The following SOX6 variants were observed in gnomAD, a reference collection of about 807,000 sequenced individuals.
SOX6 encodes transcription factor SOX-6.
A neutral mutation model predicts 97.8 loss-of-function variants in SOX6; 11 were observed. The observed-to-expected ratio is 0.11, with a 90% CI of 0.07 to 0.19. The LOEUF (loss-of-function observed/expected upper bound fraction) is 0.19. Ranked by LOEUF, SOX6 falls within the 10% of genes least tolerant of loss-of-function variation. The pLI is 1.00. For synonymous variants in SOX6, 360 were observed against 371.4 expected, an observed-to-expected ratio of 0.97 and a Z score of 0.35; for missense variants, 810 against 1,039.5, an observed-to-expected ratio of 0.78 and a Z score of 3.04.
chr11:16,166,023 T>C (rs1426218994), intron 6 of SOX6, among the ~76,000 whole-genome samples: 3 of 152,212 alleles, frequency 2.0e-5, no homozygotes, highest in African/African-American at 7.2e-5. Flanking sequence ...TGAGCCCTTC[T>C]TAGAAATACA....
chr11:16,587,226 C>A (rs924698843), intron 4 of SOX6, among the ~76,000 whole-genome samples: 2 of 152,174 alleles, frequency 1.3e-5, no homozygotes, highest in African/African-American at 4.8e-5. Flanking sequence ...AACTTCAAGG[C>A]AGGATATCTA....
intron 4 of SOX6, among the ~76,000 whole-genome samples, chr11:16,550,747 C>T (rs551802687): frequency 6.6e-6 from 1 of 152,186 alleles, no homozygotes; most frequent in South Asian, 2.1e-4. Flanking sequence ...ATGGTTCTTA[C>T]TCTATACATT....
At chr11:16,195,095 T>C (rs1392738047) in intron 4 of SOX6, among the ~76,000 whole-genome samples, 4 of 152,212 alleles carry the variant, frequency 2.6e-5, no homozygotes, top group South Asian at 4.2e-4. Context: ...GCTCTTTCTC[T>C]AGAAGCTCCA....
At chr11:16,008,893 G>A (rs541316356) in intron 13 of SOX6, among the ~76,000 whole-genome samples, 1 of 152,114 alleles carries the variant, frequency 6.6e-6, no homozygotes, top group East Asian at 1.9e-4. Context: ...ATCCCAGCCT[G>A]TGTGGCTGTT....
intron 12 of SOX6, among the ~76,000 whole-genome samples, chr11:16,024,725 C>G (rs928791669): frequency 1.3e-4 from 19 of 151,972 alleles, no homozygotes; most frequent in African/African-American, 4.6e-4. Flanking sequence ...CTGCTCTATG[C>G]CCAGAGAGAA....
At position 16,692,329 on chromosome 11, in the gene SOX6, T is replaced by A. The variant is rs1459697846; in HGVS notation, n.429+22501A>T. ...CCTTCCAAAGTGCTGGGATTACAGGTGTGAACCACCGCACCTGGCCCACTG... is the reference window on the plus strand; with the variant it reads ...CCTTCCAAAGTGCTGGGATTACAGGAGTGAACCACCGCACCTGGCCCACTG... On this transcript the variant is annotated intron_variant and non_coding_transcript_variant, in intron 3 of 5. Coordinates refer to the SOX6 transcript ENST00000524520. Among the ~76,000 whole-genome samples the A allele has an allele frequency of 2.0e-5, 3 of 152,222 alleles. No homozygotes were observed. The East Asian group carries it at 5.8e-4, about 29-fold the overall frequency.
intron 1 of SOX6, among the ~76,000 whole-genome samples, chr11:16,460,452 G>A (rs1308954156): frequency 6.6e-6 from 1 of 152,032 alleles, no homozygotes; most frequent in Non-Finnish European, 1.5e-5. Context: ...GAATGTTAGT[G>A]TTAGTATGAA....
chr11:16,697,369 C>T (rs909291256), intron 3 of SOX6, among the ~76,000 whole-genome samples: 5 of 152,152 alleles, frequency 3.3e-5, no homozygotes, highest in Non-Finnish European at 5.9e-5. Flanking sequence ...TGCGGTGGCT[C>T]ATGCCTGTAA....
intron 3 of SOX6, among the ~76,000 whole-genome samples, chr11:16,254,934 A>T (rs1853639832): frequency 6.6e-6 from 1 of 152,088 alleles, no homozygotes; most frequent in Non-Finnish European, 1.5e-5. Flanking sequence ...ATGGAGAAAG[A>T]TATACCATGC....
At chr11:16,603,520 T>C (rs1227489860) in intron 4 of SOX6, among the ~76,000 whole-genome samples, 1 of 151,960 alleles carries the variant, frequency 6.6e-6, no homozygotes, top group African/African-American at 2.4e-5. Flanking sequence ...CTGAGAGACC[T>C]TTGGGAGTGG....
At chr11:16,547,718 C>G (rs1187965179) in intron 4 of SOX6, among the ~76,000 whole-genome samples, 1 of 151,978 alleles carries the variant, frequency 6.6e-6, no homozygotes, top group Non-Finnish European at 1.5e-5. Flanking sequence ...TGTTTGATAG[C>G]AAAGTAGAGT....
chr11:16,668,692 T>C (rs556348159), intron 3 of SOX6, among the ~76,000 whole-genome samples: 1 of 152,024 alleles, frequency 6.6e-6, no homozygotes, highest in Non-Finnish European at 1.5e-5. Context: ...ACACATAGAC[T>C]GAAAATCAAA....
At chr11:16,717,354 T>C (rs1005793211) in intron 2 of SOX6, among the ~76,000 whole-genome samples, 1 of 152,124 alleles carries the variant, frequency 6.6e-6, no homozygotes, top group Non-Finnish European at 1.5e-5. Context: ...TACAGAACTT[T>C]TTAAGTTTTT....
intron 3 of SOX6, among the ~76,000 whole-genome samples, chr11:16,303,393 T>C (rs528449231): frequency 1.3e-5 from 2 of 152,300 alleles, no homozygotes; most frequent in South Asian, 4.1e-4. Context: ...AAATAACAAA[T>C]ACTTTTCATC....
At position 16,300,865 on chromosome 11, in the gene SOX6, C is replaced by T. The variant is rs899347230; in HGVS notation, c.445+17581G>A. 1.4e-4 allele frequency among the ~76,000 whole-genome samples: 22 copies of T among 152,166 alleles called. No individual in the cohort carries two copies. The highest frequency in any genetic ancestry group is 5.3e-4 in the African/African-American group (22 of 41,426). On this transcript the variant is annotated intron_variant, in intron 3 of 15. Transcript: ENST00000683767. This position sits in a 1 kb window ranked among gnomAD's most constrained non-coding sequence, Gnocchi z 4.1. ...TTTCACATTATTTTGGCTCATCATC[C>T]AATAATATTTATTAAGCACCATAAG...
intron 2 of SOX6, among the ~76,000 whole-genome samples, chr11:16,321,727 C>A (rs200421545): frequency 1.3e-5 from 2 of 151,970 alleles, no homozygotes; most frequent in Non-Finnish European, 2.9e-5. Context: ...GATTTCCCCA[C>A]AAAAGCCACA....
At chr11:16,397,251 A>G (rs976038060) in intron 1 of SOX6, among the ~76,000 whole-genome samples, 2 of 151,516 alleles carry the variant, frequency 1.3e-5, no homozygotes, top group Admixed American at 1.3e-4. Context: ...AAAATTAAAT[A>G]TATTTATCTA....
At chr11:16,114,303 C>T (rs1301906919) in intron 6 of SOX6, among the ~76,000 whole-genome samples, 1 of 152,158 alleles carries the variant, frequency 6.6e-6, no homozygotes, top group African/African-American at 2.4e-5. Context: ...AATCTATATG[C>T]TGCTATTTTC....
At chr11:16,654,637 G>A (rs763080558) in intron 3 of SOX6, among the ~76,000 whole-genome samples, 3 of 152,052 alleles carry the variant, frequency 2.0e-5, no homozygotes, top group Non-Finnish European at 4.4e-5. Flanking sequence ...TAAAATTCTA[G>A]GCTGATATAT....
Sources: allele counts gnomAD v4.1 joint callset (sites outside exome capture counted in the v4.1 genomes callset), GRCh38; gene constraint gnomAD v4.1.1; non-coding constraint Gnocchi (gnomAD v3.1); transcripts MANE v1.5; gene names NCBI Gene and HGNC (gene_info 2026-07-23, HGNC 2026-07-21).